Variants in FER1L5 observed in about 807,000 individuals in gnomAD.
FER1L5 encodes the protein fer-1-like protein 5.
In FER1L5, 187 loss-of-function variants were observed where a neutral mutation model predicts 279.9. That is an observed-to-expected ratio of 0.67 (90% CI 0.59 to 0.75). The LOEUF (loss-of-function observed/expected upper bound fraction) is 0.75. Ranked by LOEUF, FER1L5 falls within the 30% of genes least tolerant of loss-of-function variation. The pLI is 0.00. For missense variants in FER1L5, 2,091 were observed against 2,594.4 expected (o/e 0.81, Z 4.21); for synonymous variants, 921 against 989.7 (o/e 0.93, Z 1.30).
chr2:96,699,831 C>T, intron 43 of FER1L5, 101 bp from the exon 44 acceptor site: 1 of 1,576,902 alleles, frequency 6.3e-7, no homozygotes, highest in Non-Finnish European at 8.6e-7. Context: ...CCAGACCTGC[C>T]CAGTCTCCAC....
intron 4 of FER1L5, among the ~76,000 whole-genome samples, chr2:96,649,275 G>A (rs1055985880): frequency 6.6e-6 from 1 of 152,122 alleles, no homozygotes; most frequent in Admixed American, 6.5e-5. Flanking sequence ...ATGAGTTCAT[G>A]AGATGTTGGG....
Position 96,643,512 on chromosome 2 carries a change from G to A in FER1L5, c.85+591G>A, listed in dbSNP as rs1318155385. 1.1e-4 allele frequency among the ~76,000 whole-genome samples: 16 copies of A among 152,038 alleles called. No individual in the cohort carries two copies. The East Asian group carries it at 2.9e-3, about 28-fold the overall frequency. Reference sequence around the variant, plus strand: ...CTACAGGCACATGCCACCACACCCAGCTGATTTTTGTCATTTTAATAGAGA... The same window carrying A: ...CTACAGGCACATGCCACCACACCCAACTGATTTTTGTCATTTTAATAGAGA... On this transcript the variant is annotated intron_variant, in intron 1 of 52. Coordinates refer to ENST00000624922, the MANE Select transcript of FER1L5 (RefSeq NM_001293083.2).
intron 2 of FER1L5, 46 bp downstream of exon 2, chr2:96,646,499 G>A (rs757483840): frequency 6.5e-7 from 1 of 1,536,042 alleles, no homozygotes; most frequent in South Asian, 1.2e-5. Context: ...AACCCCAACA[G>A]CAAGGGGGCA....
At chr2:96,676,385 TC>T (rs1445292396) in intron 19 of FER1L5, among the ~76,000 whole-genome samples, 2 of 152,180 alleles carry the variant, frequency 1.3e-5, no homozygotes, top group African/African-American at 4.8e-5. Flanking sequence ...CAGGCTGGTC[TC>T]AAACTCCCGA....
intron 9 of FER1L5, among the ~76,000 whole-genome samples, chr2:96,659,566 A>C (rs1268386850): frequency 1.4e-5 from 2 of 147,362 alleles, no homozygotes; most frequent in Admixed American, 7.1e-5. Context: ...ATCTCGGCTC[A>C]TTGCAAGTTC....
chr2:96,692,990 A>G (rs1490472769), intron 31 of FER1L5, among the ~76,000 whole-genome samples: 2 of 152,100 alleles, frequency 1.3e-5, no homozygotes, highest in Non-Finnish European at 2.9e-5. Flanking sequence ...AGCCTGGCCA[A>G]CATGGTGAAA....
At chr2:96,686,667 C>A (rs972217408) in intron 23 of FER1L5, among the ~76,000 whole-genome samples, 1 of 151,942 alleles carries the variant, frequency 6.6e-6, no homozygotes, top group Admixed American at 6.6e-5. Flanking sequence ...CCCAGCCTGA[C>A]CAACTTGGTG....
At chr2:96,699,464 G>A in intron 42 of FER1L5, 86 bp from the exon 43 acceptor site, 2 of 1,427,138 alleles carry the variant, frequency 1.4e-6, no homozygotes, top group Non-Finnish European at 1.9e-6. Context: ...ACAAACAAGG[G>A]GCCTACGGGG....
chr2:96,668,684 T>C, intron 14 of FER1L5, 67 bp from the exon 15 acceptor site: 2 of 1,540,486 alleles, frequency 1.3e-6, no homozygotes, highest in Non-Finnish European at 1.8e-6. Context: ...TACCTGTTCT[T>C]AAAATCTCCA....
At chr2:96,704,180 T>C in intron 51 of FER1L5, 35 bp from the exon 52 acceptor site, 6 of 1,608,702 alleles carry the variant, frequency 3.7e-6, no homozygotes, top group Non-Finnish European at 5.1e-6. Flanking sequence ...AGGTTCTCCC[T>C]GCCATTCTCT....
In FER1L5 at chr2:96,691,211, T is replaced by A; in HGVS notation, c.2765T>A (p.Ile922Asn). 1.9e-6 allele frequency: 3 copies of A among 1,549,480 alleles called. No individual in the cohort carries two copies. Among genetic ancestry groups the A allele is most frequent in the Non-Finnish European group, 2.6e-6 (3 of 1,146,452 alleles). The change falls in exon 28 of 53, where the codon ATC (isoleucine) becomes AAC (asparagine). Residue 922 changes from isoleucine to asparagine, a missense_variant. Physicochemically the swap from Ile to Asn is moderately radical, Grantham distance 149. Coordinates refer to ENST00000624922, the MANE Select transcript of FER1L5 (RefSeq NM_001293083.2). The surrounding 1 kb of genome is among the most constrained non-coding windows in gnomAD (Gnocchi z 6.0). The part of the protein sequence containing the change: ...DSKGWEYGVG[I>N]PPSGLPQVWS... ...GCAGGCTGGGAGTATGGAGTGGGGA[T>A]CCCACCGTCGGGCCTGCCCCAGGTC...
At chr2:96,700,105 A>G (rs1425179265) in intron 44 of FER1L5, 25 bp downstream of exon 44, 1 of 1,613,168 alleles carries the variant, frequency 6.2e-7, no homozygotes, top group Non-Finnish European at 8.5e-7. Flanking sequence ...ACACTAGCAG[A>G]AAGCACAGAC....
At chr2:96,671,739 G>A (rs1363760334) in intron 18 of FER1L5, among the ~76,000 whole-genome samples, 1 of 152,216 alleles carries the variant, frequency 6.6e-6, no homozygotes, top group Non-Finnish European at 1.5e-5. Context: ...AGAGGAGAAG[G>A]GATTTGCAGA....
chr2:96,647,232 C>T (rs2075173166), intron 3 of FER1L5, 77 bp downstream of exon 3: 2 of 1,428,760 alleles, frequency 1.4e-6, no homozygotes, highest in Non-Finnish European at 1.9e-6. Flanking sequence ...GTCTCTAATC[C>T]ATAACTCACT....
intron 23 of FER1L5, among the ~76,000 whole-genome samples, chr2:96,686,832 G>A (rs1203732046): frequency 1.4e-5 from 2 of 147,440 alleles, no homozygotes; most frequent in Non-Finnish European, 3.0e-5. Flanking sequence ...TTCCAGCCTG[G>A]GTGACAGAGC....
At chr2:96,654,940 G>A (rs1185189177) in intron 9 of FER1L5, 1 of 150,346 alleles carries the variant, frequency 6.7e-6, no homozygotes, top group Admixed American at 6.6e-5. Context: ...ATCCAGGCTT[G>A]TATCCACCTA....
At chr2:96,697,398 A>G in intron 37 of FER1L5, 128 bp from the exon 38 acceptor site, 2 of 961,582 alleles carry the variant, frequency 2.1e-6, no homozygotes, top group South Asian at 2.9e-5. Context: ...CCCCTGAATT[A>G]AAAGGTCTAT....
intron 45 of FER1L5, 122 bp from the exon 46 acceptor site, chr2:96,701,833 C>T (rs1359942143): frequency 7.1e-6 from 6 of 847,942 alleles, no homozygotes; most frequent in Non-Finnish European, 9.5e-6. Flanking sequence ...CTCTGTACCC[C>T]ACCCCTCGGT....
At chr2:96,652,195 C>T in intron 7 of FER1L5, 175 bp downstream of exon 7, 1 of 886,228 alleles carries the variant, frequency 1.1e-6, no homozygotes, top group Admixed American at 2.8e-5. Context: ...TAACTCAGAG[C>T]CCTGTATCTG....
Sources: gnomAD v4.1 joint callset for allele counts (sites outside exome capture counted in the v4.1 genomes callset) on GRCh38, gnomAD v4.1.1 for gene constraint, Gnocchi (gnomAD v3.1) non-coding constraint, MANE v1.5 for transcripts, NCBI Gene and HGNC (gene_info 2026-07-23, HGNC 2026-07-21) for gene names.